Variants in ROBO2 observed in about 807,000 individuals in gnomAD.
ROBO2 encodes roundabout homolog 2.
ROBO2 carries 53 observed loss-of-function variants against 160.8 expected under a neutral mutation model. That is an observed-to-expected ratio of 0.33 (90% CI 0.26 to 0.41). ROBO2 has a LOEUF of 0.41. Ranked by LOEUF, ROBO2 falls within the 10% of genes least tolerant of loss-of-function variation. ROBO2 has a pLI of 1.00. For synonymous variants in ROBO2, 664 were observed against 611.7 expected, an observed-to-expected ratio of 1.09 and a Z score of -1.26; for missense variants, 1,577 against 1,722.4, an observed-to-expected ratio of 0.92 and a Z score of 1.49.
At chr3:77,510,412 A>G (rs1328473792) in intron 5 of ROBO2, among the ~76,000 whole-genome samples, 1 of 152,076 alleles carries the variant, frequency 6.6e-6, no homozygotes, top group Non-Finnish European at 1.5e-5. Context: ...TGAGGAAGAC[A>G]CAACCAAGAT....
intron 24 of ROBO2, among the ~76,000 whole-genome samples, chr3:77,643,545 ATTGT>A (rs1179415562): frequency 3.9e-5 from 6 of 152,098 alleles, no homozygotes; most frequent in African/African-American, 1.2e-4. Context: ...AATAAATTTC[ATTGT>A]TTGTAGTTAG....
intron 2 of ROBO2, among the ~76,000 whole-genome samples, chr3:77,406,116 G>A (rs2076232210): frequency 1.3e-5 from 2 of 152,098 alleles, no homozygotes; most frequent in Admixed American, 1.3e-4. Flanking sequence ...TGAAGGGAAA[G>A]CAAGGCACAG....
intron 23 of ROBO2, among the ~76,000 whole-genome samples, chr3:77,626,037 C>G (rs2095017072): frequency 6.6e-6 from 1 of 152,104 alleles, no homozygotes; most frequent in African/African-American, 2.4e-5. Flanking sequence ...CAGTCTTACT[C>G]TAAAGACAAA....
intron 2 of ROBO2, among the ~76,000 whole-genome samples, chr3:76,769,545 TA>T (rs528876691): frequency 2.1e-4 from 32 of 151,578 alleles, no homozygotes; most frequent in African/African-American, 7.2e-4. Flanking sequence ...CCAAAATAAC[TA>T]TTGTCATAAG....
At chr3:76,719,622 G>A (rs1262652011) in intron 2 of ROBO2, among the ~76,000 whole-genome samples, 4 of 152,152 alleles carry the variant, frequency 2.6e-5, no homozygotes, top group Admixed American at 6.5e-5. Context: ...GGTGGCTCAC[G>A]CCTGTATTCC....
intron 2 of ROBO2, among the ~76,000 whole-genome samples, chr3:76,692,580 T>C (rs1262201722): frequency 6.6e-6 from 1 of 152,132 alleles, no homozygotes; most frequent in East Asian, 1.9e-4. Context: ...AGATGATCAA[T>C]TGACTGACTT....
In ROBO2 at chr3:76,095,608, T is replaced by C. The variant is rs1424685008; in HGVS notation, c.109+158006T>C. Among the ~76,000 whole-genome samples the C allele has an allele frequency of 4.6e-5, 7 of 152,198 alleles. No homozygotes were observed. In the East Asian group the frequency reaches 7.7e-4, roughly 17 times the overall value. On this transcript the variant is annotated intron_variant, in intron 2 of 26. Coordinates refer to the ROBO2 transcript ENST00000487694. ...AACCTATTATTAGGCATATGGGGAC[T>C]TAGGGTCCACTGAATATCTAAAATT...
At chr3:77,164,802 G>A (rs2078881249) in intron 2 of ROBO2, among the ~76,000 whole-genome samples, 1 of 36,150 alleles carries the variant, frequency 2.8e-5, no homozygotes, top group Non-Finnish European at 1.1e-4. Flanking sequence ...CCGTCCGGGA[G>A]GTGAGGGGCG....
chr3:76,113,188 A>G (rs2070315237), intron 2 of ROBO2, among the ~76,000 whole-genome samples: 1 of 152,252 alleles, frequency 6.6e-6, no homozygotes, highest in Non-Finnish European at 1.5e-5. Context: ...AGACTTATGT[A>G]ATTATTCTTC....
At chr3:76,528,282 G>A (rs114258392) in intron 2 of ROBO2, among the ~76,000 whole-genome samples, 9 of 152,070 alleles carry the variant, frequency 5.9e-5, no homozygotes, top group Admixed American at 2.6e-4. Flanking sequence ...GAGGTTCAGC[G>A]TGAGATGTAC....
intron 2 of ROBO2, among the ~76,000 whole-genome samples, chr3:77,129,137 AT>A (rs2075616177): frequency 6.6e-6 from 1 of 151,434 alleles, no homozygotes; most frequent in Non-Finnish European, 1.5e-5. Flanking sequence ...TTATTTCTTT[AT>A]TTTTAGTAAT....
intron 16 of ROBO2, among the ~76,000 whole-genome samples, chr3:77,584,107 T>C (rs575746976): frequency 6.6e-6 from 1 of 152,216 alleles, no homozygotes; most frequent in East Asian, 1.9e-4. Context: ...GGGGAGAGTA[T>C]ACACAAATTT....
chr3:77,048,218 T>C (rs1315030048), intron 1 of ROBO2, among the ~76,000 whole-genome samples: 1 of 152,146 alleles, frequency 6.6e-6, no homozygotes, highest in African/African-American at 2.4e-5. Flanking sequence ...TGGACTACAA[T>C]TGGGGTGCAT....
At chr3:76,131,637 G>A (rs1292739316) in intron 2 of ROBO2, among the ~76,000 whole-genome samples, 4 of 152,106 alleles carry the variant, frequency 2.6e-5, no homozygotes, top group Non-Finnish European at 4.4e-5. Context: ...CAGTCTGAAA[G>A]AGAATACAAG....
intron 2 of ROBO2, among the ~76,000 whole-genome samples, chr3:76,277,998 T>G (rs1389123698): frequency 6.6e-6 from 1 of 151,804 alleles, no homozygotes; most frequent in Non-Finnish European, 1.5e-5. Flanking sequence ...CAGTCCTTTC[T>G]TGGCACTGTA....
At chr3:75,941,195 G>A (rs1005176095) in intron 2 of ROBO2, among the ~76,000 whole-genome samples, 1 of 152,078 alleles carries the variant, frequency 6.6e-6, no homozygotes, top group African/African-American at 2.4e-5. Flanking sequence ...TCCTCAAGCA[G>A]TCCTCTAACC....
At chr3:77,339,268 A>C (rs1416872511) in intron 2 of ROBO2, among the ~76,000 whole-genome samples, 2 of 152,208 alleles carry the variant, frequency 1.3e-5, no homozygotes, top group South Asian at 4.1e-4. Context: ...GCACTTAGCC[A>C]GGCAAATATT....
intron 2 of ROBO2, chr3:76,435,466 C>G: frequency 1.4e-6 from 1 of 738,716 alleles, no homozygotes; most frequent in Non-Finnish European, 2.5e-6. Context: ...CCCTTCACAC[C>G]GTGGGATAAA....
At chr3:77,522,681 A>G in intron 5 of ROBO2, 94 bp from the exon 6 acceptor site, 1 of 1,317,666 alleles carries the variant, frequency 7.6e-7, no homozygotes, top group Non-Finnish European at 1.1e-6. Context: ...GTTTAGGTAA[A>G]ATACAGTATA....
Sources: gnomAD v4.1 joint callset for allele counts (sites outside exome capture counted in the v4.1 genomes callset) on GRCh38, gnomAD v4.1.1 for gene constraint, MANE v1.5 for transcripts, NCBI Gene and HGNC (gene_info 2026-07-23, HGNC 2026-07-21) for gene names.